TNRC6A: variants seen among roughly 807,000 people sequenced by gnomAD.
TNRC6A encodes the protein trinucleotide repeat-containing gene 6A protein.
TNRC6A carries 44 observed loss-of-function variants against 221.2 expected under a neutral mutation model. The ratio of observed to expected loss-of-function variants is 0.20; its 90% CI spans 0.16 to 0.26. TNRC6A has a LOEUF of 0.26. Among genes scored for constraint, TNRC6A ranks in the 10% least tolerant of loss-of-function variants. The pLI is 1.00. For synonymous variants in TNRC6A, 847 were observed against 838.5 expected, an observed-to-expected ratio of 1.01 and a Z score of -0.18; for missense variants, 2,199 against 2,404.4, an observed-to-expected ratio of 0.91 and a Z score of 1.79.
chr16:24,733,794 C>T (rs982660114), intron 2 of TNRC6A, among the ~76,000 whole-genome samples: 1 of 152,164 alleles, frequency 6.6e-6, no homozygotes, highest in Non-Finnish European at 1.5e-5. Context: ...ATCTTCTGGT[C>T]TGGGATTACT....
In TNRC6A at chr16:24,790,764, G is replaced by T. The variant is rs745784578; in HGVS notation, c.2122G>T (p.Val708Leu). 2 of 1,614,134 alleles carry T rather than the reference G, an allele frequency of 1.2e-6. No homozygotes were observed. Among genetic ancestry groups the T allele is most frequent in the South Asian group, 2.2e-5 (2 of 91,076 alleles). ...TCAGCACACATTACTCCAAAGCATT[G>T]TAAACAGAACTGACTTAGATCCACG... ...IDQHTLLQSI[V>L]NRTDLDPRVL... The change falls in exon 6 of 25, where the codon GTA (valine) becomes TTA (leucine). Residue 708 changes from valine (V) to leucine (L), a missense_variant. By Grantham distance (32) the Val-to-Leu change is conservative (BLOSUM62 1). Around this residue, in one of 8 missense-constraint regions of TNRC6A, gnomAD observed 1,405 missense variants for 1,400.2 expected, o/e 1.00. Transcript: ENST00000395799.
intron 2 of TNRC6A, among the ~76,000 whole-genome samples, chr16:24,740,740 A>G (rs1163394993): frequency 6.6e-6 from 1 of 152,192 alleles, no homozygotes; most frequent in Non-Finnish European, 1.5e-5. Flanking sequence ...CATCACCACC[A>G]TCCACCTCTG....
intron 1 of TNRC6A, among the ~76,000 whole-genome samples, chr16:24,632,422 T>A (rs1223627370): frequency 6.6e-6 from 1 of 152,148 alleles, no homozygotes; most frequent in Admixed American, 6.6e-5. Context: ...TTCCTTATTG[T>A]CGCCACACCC....
In TNRC6A at chr16:24,687,911, CTTCTTTTCTTTTCTTTTCTTTTCTT is replaced by C. The variant is rs551462314; in HGVS notation, n.402+46925_402+46949del. ...GCTTATTCCAACTTTCTTGGACATG[CTTCTTTTCTTTTCTTTTCTTTTCTT>C]TTCTTTTCTTTTCTTTTCTTTTTTT... is the stretch of plus-strand genomic sequence containing the variant. On this transcript the variant is annotated intron_variant and non_coding_transcript_variant, in intron 2 of 2. Transcript: ENST00000566108. 5.0e-5 allele frequency among the ~76,000 whole-genome samples: 6 copies of C among 120,256 alleles called. No homozygotes were observed. The East Asian group carries it at 1.4e-3, about 29-fold the overall frequency. The allele number at this position is 120,256 out of a possible 152,430, so 78.9% of individuals were successfully genotyped here.
chr16:24,742,664 G>C (rs2056916964), intron 2 of TNRC6A, among the ~76,000 whole-genome samples: 1 of 152,230 alleles, frequency 6.6e-6, no homozygotes, highest in Non-Finnish European at 1.5e-5. Context: ...GCTCACGCCT[G>C]TAATCCCAGC....
At chr16:24,804,968 G>A in intron 13 of TNRC6A, 46 bp from the exon 14 acceptor site, 4 of 1,614,062 alleles carry the variant, frequency 2.5e-6, no homozygotes, top group Non-Finnish European at 2.5e-6. Flanking sequence ...TGAGATGTTT[G>A]TCCCTAAAGA....
At chr16:24,756,432 C>G (rs2057252459) in intron 3 of TNRC6A, among the ~76,000 whole-genome samples, 1 of 152,188 alleles carries the variant, frequency 6.6e-6, no homozygotes, top group Non-Finnish European at 1.5e-5. Flanking sequence ...CTTCCCATTC[C>G]ATGAGGAGCT....
At position 24,696,058 on chromosome 16, in the gene TNRC6A, A is replaced by T. The variant is rs971095180; in HGVS notation, n.403-54668A>T. Reference sequence around the variant, plus strand: ...TCCACTGCGCTTTTTATGTGGTTGAAAGTATGAGGGCCGAGAGCGGTGGCT... The same window carrying T: ...TCCACTGCGCTTTTTATGTGGTTGATAGTATGAGGGCCGAGAGCGGTGGCT... On this transcript the variant is annotated intron_variant and non_coding_transcript_variant, in intron 2 of 2. Transcript: ENST00000566108. Among the ~76,000 whole-genome samples, 3 of 152,076 alleles carry T rather than the reference A, an allele frequency of 2.0e-5. No individual in the cohort carries two copies. In the South Asian group the frequency reaches 6.2e-4, roughly 31 times the overall value.
chr16:24,789,430 A>C lies in TNRC6A; in HGVS notation c.788A>C (p.Glu263Ala), dbSNP rs769130401. 2.5e-6 allele frequency: 4 copies of C among 1,614,106 alleles called. No individual in the cohort carries two copies. The African/African-American group carries it at 5.3e-5, about 22-fold the overall frequency. Residue 263 changes from glutamate to alanine, a missense_variant, in exon 6 of 25, where the codon GAA becomes GCA. Around this residue, in one of 8 missense-constraint regions of TNRC6A, gnomAD observed 1,405 missense variants for 1,400.2 expected, o/e 1.00. Coordinates refer to ENST00000395799, the MANE Select transcript of TNRC6A (RefSeq NM_014494.4). ...GATGCTGATTCTGCCTCCAGTTCTG[A>C]ATCAGAGAGAAACATCACTATCATG... ...CMDADSASSS[E>A]SERNITIMAS...
chr16:24,797,871 T>G, intron 10 of TNRC6A, 44 bp from the exon 11 acceptor site: 2 of 1,522,800 alleles, frequency 1.3e-6, no homozygotes, highest in Middle Eastern at 1.9e-4. Context: ...TTGTTTTCAT[T>G]GATAAATTAA....
chr16:24,748,050 A>G (rs973108315), intron 2 of TNRC6A, among the ~76,000 whole-genome samples: 1 of 152,174 alleles, frequency 6.6e-6, no homozygotes, highest in African/African-American at 2.4e-5. Flanking sequence ...AGAAGGGTAA[A>G]GACAGCCTTT....
intron 17 of TNRC6A, among the ~76,000 whole-genome samples, chr16:24,807,552 TCTAA>T (rs2058460276): frequency 6.6e-6 from 1 of 152,150 alleles, no homozygotes; most frequent in South Asian, 2.1e-4. Context: ...TTAACTACTG[TCTAA>T]CTATGTATAA....
At chr16:24,668,348 A>G (rs2055218041) in intron 2 of TNRC6A, among the ~76,000 whole-genome samples, 1 of 151,956 alleles carries the variant, frequency 6.6e-6, no homozygotes, top group Non-Finnish European at 1.5e-5. Flanking sequence ...CCATCTCAAA[A>G]AAAAAAGAAA....
chr16:24,774,108 T>C (rs771745558), intron 4 of TNRC6A, among the ~76,000 whole-genome samples: 68 of 152,156 alleles, frequency 4.5e-4, no homozygotes, highest in Non-Finnish European at 6.9e-4. Context: ...CTAATTTTCC[T>C]TTTTCCCCCC....
At chr16:24,711,355 G>T (rs1381564919) in intron 2 of TNRC6A, among the ~76,000 whole-genome samples, 1 of 152,104 alleles carries the variant, frequency 6.6e-6, no homozygotes, top group Non-Finnish European at 1.5e-5. Flanking sequence ...CATATTTAAA[G>T]TGTGTAATTT....
At chr16:24,663,723 C>T in intron 2 of TNRC6A, 1 of 342,648 alleles carries the variant, frequency 2.9e-6, no homozygotes, top group Admixed American at 3.9e-5. Context: ...ACCAGGGGAA[C>T]TCACCTGAGC....
chr16:24,813,965 A>G (rs1161131867), intron 18 of TNRC6A, among the ~76,000 whole-genome samples: 1 of 152,214 alleles, frequency 6.6e-6, no homozygotes, highest in Non-Finnish European at 1.5e-5. Flanking sequence ...CTGTACAGCC[A>G]TTACTTCATT....
intron 2 of TNRC6A, among the ~76,000 whole-genome samples, chr16:24,749,315 A>G (rs976747557): frequency 1.3e-5 from 2 of 152,062 alleles, no homozygotes; most frequent in African/African-American, 4.8e-5. Context: ...TTACAGTGTG[A>G]TGGAGGGAGT....
At chr16:24,733,108 C>G (rs1012178252) in intron 2 of TNRC6A, among the ~76,000 whole-genome samples, 23 of 152,090 alleles carry the variant, frequency 1.5e-4, no homozygotes, top group Middle Eastern at 3.4e-3. Flanking sequence ...TCCCAGCTAC[C>G]CGGGAGGCTG....
Sources: gnomAD v4.1 joint callset for allele counts (sites outside exome capture counted in the v4.1 genomes callset) on GRCh38, gnomAD v4.1.1 for gene constraint, gnomAD v4.1.1 regional missense constraint, MANE v1.5 for transcripts, NCBI Gene and HGNC (gene_info 2026-07-23, HGNC 2026-07-21) for gene names.